CNTN5: variants seen among roughly 807,000 people sequenced by gnomAD.
The protein encoded by CNTN5 is contactin-5.
A neutral mutation model predicts 129.1 loss-of-function variants in CNTN5; 77 were observed. That is an observed-to-expected ratio of 0.60 (90% CI 0.50 to 0.72). The LOEUF (loss-of-function observed/expected upper bound fraction) is 0.72. CNTN5 is among the 30% of genes least tolerant of loss of function. The pLI is 0.00. For missense variants in CNTN5, 1,478 were observed against 1,328.8 expected (o/e 1.11, Z -1.75); for synonymous variants, 509 against 465.6 (o/e 1.09, Z -1.20).
In CNTN5 at chr11:100,224,802, T is replaced by G; in HGVS notation, c.1995T>G (p.Leu665=). 6.2e-7 allele frequency: 1 copy of G among 1,613,066 alleles called. No homozygotes were observed. The highest frequency in any genetic ancestry group is 8.5e-7 in the Non-Finnish European group (1 of 1,179,172). ...ACAGTGTGTCAGATGAGGCAGAACTTCTTGTTAGGGGTGAGTATGCTAATA... is the reference window on the plus strand; with the variant it reads ...ACAGTGTGTCAGATGAGGCAGAACTGCTTGTTAGGGGTGAGTATGCTAATA... ...TADSVSDEAE[L]LVRGPPGPPG... is the part of the protein sequence containing the mutation. Residue 665 remains leucine, a synonymous_variant, in exon 16 of 25, where the codon CTT becomes CTG. Transcript: ENST00000524871.
chr11:99,553,257 C>T (rs1328277214), intron 2 of CNTN5, among the ~76,000 whole-genome samples: 1 of 152,078 alleles, frequency 6.6e-6, no homozygotes, highest in Non-Finnish European at 1.5e-5. Flanking sequence ...TTTTTAATCT[C>T]ACAATGCACA....
chr11:99,433,381 GTGTGTGTGTGTGTGTGTGTGTCTT>G (rs1448120277), intron 2 of CNTN5, among the ~76,000 whole-genome samples: 1 of 50,002 alleles, frequency 2.0e-5, no homozygotes, highest in Non-Finnish European at 3.9e-5. Context: ...ATGTGTGTGT[GTGTGTGTGTGTGTGTGTGTGTCTT>G]TGTGTGTGTG....
chr11:100,298,587 G>A (rs967008590), intron 19 of CNTN5, among the ~76,000 whole-genome samples: 1 of 151,098 alleles, frequency 6.6e-6, no homozygotes, highest in African/African-American at 2.4e-5. Flanking sequence ...ACATTGACTG[G>A]TCAATCACAA....
chr11:100,114,685 A>C (rs1945779155), intron 13 of CNTN5, among the ~76,000 whole-genome samples: 1 of 151,938 alleles, frequency 6.6e-6, no homozygotes. Context: ...TCCTTGAAAA[A>C]TGCTCTCTTT....
At chr11:99,444,129 G>A (rs570544521) in intron 2 of CNTN5, among the ~76,000 whole-genome samples, 1 of 152,096 alleles carries the variant, frequency 6.6e-6, no homozygotes, top group Non-Finnish European at 1.5e-5. Context: ...AACCCAGGGG[G>A]TGGAGGTTGC....
chr11:99,805,701 A>C (rs1448621375), intron 3 of CNTN5, among the ~76,000 whole-genome samples: 1 of 152,200 alleles, frequency 6.6e-6, no homozygotes, highest in Admixed American at 6.5e-5. Flanking sequence ...ACATTTGGCT[A>C]AACATGCTAG....
intron 1 of CNTN5, among the ~76,000 whole-genome samples, chr11:99,251,419 A>G (rs1862097384): frequency 1.3e-5 from 2 of 151,908 alleles, no homozygotes. Context: ...AATGTCTAGA[A>G]GAAATGGAGG....
chr11:99,762,392 GT>G lies in CNTN5; in HGVS notation c.56-57148del, dbSNP rs545385148. Reference sequence around the variant, plus strand: ...TAGATTTTCTTTTAGGGTTTTTATGGTTTTAGGTCTAACGTTTAAGTCTTTA... The same window carrying G: ...TAGATTTTCTTTTAGGGTTTTTATGGTTTAGGTCTAACGTTTAAGTCTTTA... On this transcript the variant is annotated intron_variant, in intron 3 of 24. Coordinates refer to ENST00000524871, the MANE Select transcript of CNTN5 (RefSeq NM_014361.4). 2.1e-3 allele frequency among the ~76,000 whole-genome samples: 312 copies of G among 152,044 alleles called. 1 individual carries two copies. The highest frequency in any genetic ancestry group is 7.3e-3 in the African/African-American group (303 of 41,460).
chr11:100,075,205 G>A (rs929492562), intron 13 of CNTN5, among the ~76,000 whole-genome samples: 1 of 152,086 alleles, frequency 6.6e-6, no homozygotes, highest in Non-Finnish European at 1.5e-5. Context: ...TTTAAAAATA[G>A]AGTATTTTTG....
chr11:100,163,708 T>C (rs1947531750), intron 13 of CNTN5, among the ~76,000 whole-genome samples: 1 of 151,830 alleles, frequency 6.6e-6, no homozygotes, highest in Non-Finnish European at 1.5e-5. Flanking sequence ...TCTAACCAAA[T>C]AATCTCTTCT....
intron 1 of CNTN5, among the ~76,000 whole-genome samples, chr11:99,240,300 G>A (rs1254581174): frequency 6.6e-6 from 1 of 152,136 alleles, no homozygotes; most frequent in Non-Finnish European, 1.5e-5. Flanking sequence ...TTCAGTGTGT[G>A]CAAGGGAGAG....
chr11:99,120,839 G>T (rs1858283630), intron 1 of CNTN5, among the ~76,000 whole-genome samples: 1 of 152,112 alleles, frequency 6.6e-6, no homozygotes. Context: ...ATTTTCTCAA[G>T]ATTGGACAGG....
At chr11:99,783,859 T>C (rs1450197861) in intron 3 of CNTN5, among the ~76,000 whole-genome samples, 2 of 151,684 alleles carry the variant, frequency 1.3e-5, no homozygotes, top group Admixed American at 6.6e-5. Context: ...TTGGGAGATA[T>C]ACCTAATGCT....
intron 2 of CNTN5, among the ~76,000 whole-genome samples, chr11:99,393,758 A>C (rs960438723): frequency 2.6e-5 from 4 of 151,742 alleles, no homozygotes; most frequent in African/African-American, 9.7e-5. Flanking sequence ...TATGAGTTCT[A>C]TAGTAACTTT....
At chr11:99,873,913 A>C (rs1948568709) in intron 6 of CNTN5, among the ~76,000 whole-genome samples, 2 of 152,088 alleles carry the variant, frequency 1.3e-5, no homozygotes, top group South Asian at 4.1e-4. Flanking sequence ...CCTTTGCAGC[A>C]ACATGAATGG....
At chr11:99,203,442 T>C (rs1467595885) in intron 1 of CNTN5, among the ~76,000 whole-genome samples, 1 of 152,214 alleles carries the variant, frequency 6.6e-6, no homozygotes, top group African/African-American at 2.4e-5. Flanking sequence ...TTTTCACTTG[T>C]ATTTTACATT....
At chr11:99,375,131 T>C (rs192742496) in intron 2 of CNTN5, among the ~76,000 whole-genome samples, 49 of 151,964 alleles carry the variant, frequency 3.2e-4, no homozygotes, top group African/African-American at 1.2e-3. Context: ...GGTGAAACTC[T>C]GTCTCTACTA....
intron 3 of CNTN5, among the ~76,000 whole-genome samples, chr11:99,755,267 G>A (rs893469593): frequency 2.0e-5 from 3 of 152,088 alleles, no homozygotes; most frequent in Non-Finnish European, 4.4e-5. Flanking sequence ...GAATTGTATG[G>A]TAAGAGTATG....
chr11:99,278,594 C>G (rs1263653254), intron 1 of CNTN5, among the ~76,000 whole-genome samples: 1 of 151,542 alleles, frequency 6.6e-6, no homozygotes, highest in Non-Finnish European at 1.5e-5. Flanking sequence ...CCTGATCTTT[C>G]ATAGGCACTT....
Sources: gnomAD v4.1 joint callset for allele counts (sites outside exome capture counted in the v4.1 genomes callset) on GRCh38, gnomAD v4.1.1 for gene constraint, MANE v1.5 for transcripts, NCBI Gene and HGNC (gene_info 2026-07-23, HGNC 2026-07-21) for gene names.